The following EXT1 variants were observed in gnomAD, a reference collection of about 807,000 sequenced individuals.
The protein encoded by EXT1 is exostosin glycosyltransferase 1.
In EXT1, 20 loss-of-function variants were observed where a neutral mutation model predicts 82.5. That is an observed-to-expected ratio of 0.24 (90% CI 0.17 to 0.35). The LOEUF (loss-of-function observed/expected upper bound fraction) is 0.35. Among genes scored for constraint, EXT1 ranks in the 10% least tolerant of loss-of-function variants. EXT1 has a pLI of 1.00. For missense variants in EXT1, 757 were observed against 936.5 expected, an observed-to-expected ratio of 0.81 and a Z score of 2.50; for synonymous variants, 348 against 350.8, an observed-to-expected ratio of 0.99 and a Z score of 0.09.
intron 1 of EXT1, among the ~76,000 whole-genome samples, chr8:117,871,361 T>C (rs1812867354): frequency 6.6e-6 from 1 of 152,220 alleles, no homozygotes; most frequent in African/African-American, 2.4e-5. Context: ...TAGGATCAAA[T>C]GATAGAACTC....
intron 1 of EXT1, among the ~76,000 whole-genome samples, chr8:118,050,055 G>A (rs1816692245): frequency 6.6e-6 from 1 of 152,048 alleles, no homozygotes; most frequent in Non-Finnish European, 1.5e-5. Context: ...TCACCTTAAG[G>A]TAAAATGACA....
chr8:117,980,261 A>G (rs2129763553), intron 1 of EXT1, among the ~76,000 whole-genome samples: 1 of 152,296 alleles, frequency 6.6e-6, no homozygotes, highest in Admixed American at 6.5e-5. Flanking sequence ...CCTGAGAGTC[A>G]TCCTCGTCCT....
intron 1 of EXT1, among the ~76,000 whole-genome samples, chr8:117,844,705 T>C (rs1005958798): frequency 1.3e-5 from 2 of 152,174 alleles, no homozygotes; most frequent in African/African-American, 4.8e-5. Flanking sequence ...TGACACCTAC[T>C]CACACAGAGT....
intron 1 of EXT1, among the ~76,000 whole-genome samples, chr8:117,851,987 A>G (rs1280875418): frequency 6.6e-6 from 1 of 152,230 alleles, no homozygotes; most frequent in African/African-American, 2.4e-5. Context: ...AACTCTAGCT[A>G]ACATTTATTG....
intron 1 of EXT1, among the ~76,000 whole-genome samples, chr8:118,001,702 T>C (rs1458747887): frequency 6.6e-6 from 1 of 152,218 alleles, no homozygotes; most frequent in Non-Finnish European, 1.5e-5. Flanking sequence ...TTCGTTATTT[T>C]TCAACCCAGT....
intron 1 of EXT1, among the ~76,000 whole-genome samples, chr8:117,901,784 C>T (rs1308034756): frequency 6.6e-6 from 1 of 152,192 alleles, no homozygotes; most frequent in African/African-American, 2.4e-5. Flanking sequence ...GCAGCCTCGA[C>T]CTCCCAGGCT....
In EXT1 at chr8:118,111,667, G is replaced by A; in HGVS notation, c.-621C>T. On this transcript the variant is annotated 5_prime_UTR_variant, in exon 1 of 11. Transcript: ENST00000378204. ...TGTTTACTCCTGCGCTCGCGGGGCC[G>A]GCCCCCGGGACGCGCGGCGGCCCGG... is the stretch of plus-strand genomic sequence containing the variant. 1 of 352,314 alleles carries A rather than the reference G, an allele frequency of 2.8e-6. No homozygotes were observed. Among genetic ancestry groups the A allele is most frequent in the Non-Finnish European group, 5.1e-6 (1 of 196,664 alleles). 21.8% of individuals were successfully genotyped at this position (352,314 alleles called of 1,614,324 possible).
chr8:117,902,967 T>C (rs1244883785), intron 1 of EXT1, among the ~76,000 whole-genome samples: 1 of 152,252 alleles, frequency 6.6e-6, no homozygotes, highest in Non-Finnish European at 1.5e-5. Flanking sequence ...AAAAGTTGTT[T>C]TCTTTTTATT....
At chr8:117,940,468 A>G (rs1473124174) in intron 1 of EXT1, among the ~76,000 whole-genome samples, 2 of 152,212 alleles carry the variant, frequency 1.3e-5, no homozygotes, top group Non-Finnish European at 2.9e-5. Flanking sequence ...GGCATCAAGG[A>G]AGGATGTTAC....
intron 1 of EXT1, among the ~76,000 whole-genome samples, chr8:117,923,135 G>A (rs1304065346): frequency 6.6e-6 from 1 of 151,864 alleles, no homozygotes; most frequent in Non-Finnish European, 1.5e-5. Flanking sequence ...GACCAGCCTC[G>A]CCAACATGGT....
At chr8:117,901,178 G>T (rs187030441) in intron 1 of EXT1, among the ~76,000 whole-genome samples, 26 of 152,308 alleles carry the variant, frequency 1.7e-4, no homozygotes, top group Middle Eastern at 3.4e-3. Context: ...AGATTTTGCT[G>T]TTGAGTGAAT....
At chr8:117,908,507 G>A (rs1056924094) in intron 1 of EXT1, among the ~76,000 whole-genome samples, 1 of 152,056 alleles carries the variant, frequency 6.6e-6, no homozygotes, top group African/African-American at 2.4e-5. Context: ...GTGTATGCCT[G>A]TAGTCCCAGC....
chr8:118,090,778 C>CAAAAAAAAAAAAAAAAAAAAAAAAAAAA (rs11318164), intron 1 of EXT1, among the ~76,000 whole-genome samples: 1 of 27,182 alleles, frequency 3.7e-5, no homozygotes, highest in Non-Finnish European at 6.8e-5. Context: ...GATTCTGTCT[C>CAAAAAAAAAAAAAAAAAAAAAAAAAAAA]AAAAAAAAAA....
At chr8:117,808,157 A>G (rs372836243) in intron 8 of EXT1, among the ~76,000 whole-genome samples, 1 of 152,260 alleles carries the variant, frequency 6.6e-6, no homozygotes, top group African/African-American at 2.4e-5. Context: ...TTTCAAATGC[A>G]TAAACTCACT....
At chr8:117,973,886 G>GAAGGA (rs1815006990) in intron 1 of EXT1, among the ~76,000 whole-genome samples, 3 of 67,370 alleles carry the variant, frequency 4.5e-5, no homozygotes, top group African/African-American at 1.2e-4. Flanking sequence ...GAAAGGAAAG[G>GAAGGA]AAGGAAAGGA....
chr8:117,958,220 TA>T (rs1485709757), intron 1 of EXT1, among the ~76,000 whole-genome samples: 1 of 152,154 alleles, frequency 6.6e-6, no homozygotes, highest in African/African-American at 2.4e-5. Context: ...TTCTCAAGCA[TA>T]AATTTCTTTG....
chr8:117,828,486 T>G (rs1048715120), intron 4 of EXT1, among the ~76,000 whole-genome samples: 4 of 151,592 alleles, frequency 2.6e-5, no homozygotes, highest in African/African-American at 9.7e-5. Context: ...TCCAGCCTGG[T>G]GACAGAGTGA....
chr8:117,911,162 G>T (rs1177422754), intron 1 of EXT1, among the ~76,000 whole-genome samples: 1 of 152,192 alleles, frequency 6.6e-6, no homozygotes, highest in African/African-American at 2.4e-5. Context: ...CCTGGCACAC[G>T]GCAAGTTCTT....
intron 3 of EXT1, 131 bp downstream of exon 3, chr8:117,835,313 A>G: frequency 2.8e-6 from 2 of 724,844 alleles, no homozygotes; most frequent in East Asian, 2.7e-5. Flanking sequence ...CATATTCACC[A>G]TGACACAGGT....
Sources: gnomAD v4.1 joint callset for allele counts (sites outside exome capture counted in the v4.1 genomes callset) on GRCh38, gnomAD v4.1.1 for gene constraint, MANE v1.5 for transcripts, NCBI Gene and HGNC (gene_info 2026-07-23, HGNC 2026-07-21) for gene names.